The following CAMKMT variants were observed in gnomAD, a reference collection of about 807,000 sequenced individuals.
CAMKMT encodes the protein CaM KMT.
CAMKMT carries 53 observed loss-of-function variants against 48.0 expected under a neutral mutation model. The observed-to-expected ratio is 1.10, with a 90% CI of 0.89 to 1.39. CAMKMT has a LOEUF of 1.39. Among genes scored for constraint, CAMKMT ranks in the 40% most tolerant of loss-of-function variants. The pLI is 0.00. For synonymous variants in CAMKMT, 165 were observed against 152.3 expected, an observed-to-expected ratio of 1.08 and a Z score of -0.61; for missense variants, 428 against 402.7, an observed-to-expected ratio of 1.06 and a Z score of -0.54.
chr2:44,621,279 A>AT (rs1354022813), intron 3 of CAMKMT, among the ~76,000 whole-genome samples: 12 of 145,450 alleles, frequency 8.3e-5, no homozygotes, highest in African/African-American at 3.3e-4. Context: ...AAAAAAAAAA[A>AT]AAAAAAGCAT....
intron 3 of CAMKMT, among the ~76,000 whole-genome samples, chr2:44,561,851 A>G (rs1306889863): frequency 6.6e-6 from 1 of 152,234 alleles, no homozygotes; most frequent in Non-Finnish European, 1.5e-5. Context: ...AATTGTCTGT[A>G]AGAGTCTTTG....
intron 9 of CAMKMT, among the ~76,000 whole-genome samples, chr2:44,758,766 T>C (rs1162618115): frequency 1.3e-5 from 2 of 152,176 alleles, no homozygotes; most frequent in African/African-American, 4.8e-5. Context: ...CAGTGTCCAG[T>C]ATCAGAGGAC....
intron 3 of CAMKMT, among the ~76,000 whole-genome samples, chr2:44,632,185 GTAT>G (rs1672871200): frequency 6.6e-6 from 1 of 152,016 alleles, no homozygotes. Context: ...TTTCTATGTA[GTAT>G]TAATACCATT....
chr2:44,723,143 C>G (rs1303871746), intron 7 of CAMKMT, among the ~76,000 whole-genome samples: 2 of 152,122 alleles, frequency 1.3e-5, no homozygotes, highest in Non-Finnish European at 2.9e-5. Flanking sequence ...CATTCTAGAT[C>G]CCCACACCCT....
In CAMKMT at chr2:44,386,044, G is replaced by A. The variant is rs542340586; in HGVS notation, c.312-4197G>A. Among the ~76,000 whole-genome samples the A allele has an allele frequency of 6.4e-4, 98 of 152,190 alleles. 1 individual carries two copies. Among genetic ancestry groups the A allele is most frequent in the African/African-American group, 2.4e-3 (98 of 41,562 alleles). ...TTAGCTTGTGGAATAGTGTTAAAAG[G>A]ATTGGTACCAATTCTTCTTTCAATG... is the stretch of plus-strand genomic sequence containing the variant. On this transcript the variant is annotated intron_variant, in intron 2 of 10. Transcript: ENST00000378494.
intron 3 of CAMKMT, among the ~76,000 whole-genome samples, chr2:44,522,635 T>C (rs1671179390): frequency 6.6e-6 from 1 of 152,256 alleles, no homozygotes; most frequent in African/African-American, 2.4e-5. Context: ...CACTCTGAGA[T>C]GCTTTCTTGA....
intron 3 of CAMKMT, among the ~76,000 whole-genome samples, chr2:44,634,772 A>C (rs765997942): frequency 4.3e-4 from 56 of 129,006 alleles, no homozygotes; most frequent in Non-Finnish European, 7.5e-4. Context: ...GTCTGGTTTT[A>C]TAGGTATTCT....
chr2:44,667,098 C>T (rs940146015), intron 3 of CAMKMT, among the ~76,000 whole-genome samples: 6 of 152,172 alleles, frequency 3.9e-5, no homozygotes, highest in African/African-American at 1.2e-4. Flanking sequence ...TGCAGGGAGG[C>T]AAAACCCGAG....
chr2:44,707,794 AT>A (rs1677645369), intron 6 of CAMKMT, among the ~76,000 whole-genome samples: 1 of 152,146 alleles, frequency 6.6e-6, no homozygotes, highest in South Asian at 2.1e-4. Context: ...AAAACAAATT[AT>A]TTGGTATTTA....
In CAMKMT at chr2:44,586,229, G is replaced by T. The variant is rs1295868590; in HGVS notation, c.377-118054G>T. On this transcript the variant is annotated intron_variant, in intron 3 of 10. Transcript: ENST00000378494. ...ATAGGGTTTCAGGATCACTTGGATA[G>T]AATTTTTTGAAACACAGCTTTATTG... 3.3e-5 allele frequency among the ~76,000 whole-genome samples: 5 copies of T among 152,072 alleles called. No homozygotes were observed. In the East Asian group the frequency reaches 7.7e-4, roughly 23 times the overall value.
intron 3 of CAMKMT, among the ~76,000 whole-genome samples, chr2:44,635,767 AGCAATCTAACCTAGT>A (rs1673095499): frequency 2.0e-5 from 3 of 152,220 alleles, no homozygotes; most frequent in Non-Finnish European, 4.4e-5. Flanking sequence ...AGAAGAGGTT[AGCAATCTAACCTAGT>A]GTTGTTGATT....
At chr2:44,465,795 C>T (rs181543038) in intron 3 of CAMKMT, among the ~76,000 whole-genome samples, 1 of 152,206 alleles carries the variant, frequency 6.6e-6, no homozygotes, top group East Asian at 1.9e-4. Context: ...GTTTATAAGG[C>T]ACTCACTGTA....
At chr2:44,366,436 A>G (rs186989737) in intron 1 of CAMKMT, among the ~76,000 whole-genome samples, 3 of 152,252 alleles carry the variant, frequency 2.0e-5, no homozygotes, top group African/African-American at 4.8e-5. Flanking sequence ...TTTGTTTTAT[A>G]TGCTTACTTT....
At chr2:44,728,930 G>A (rs759171396) in intron 7 of CAMKMT, among the ~76,000 whole-genome samples, 14 of 145,250 alleles carry the variant, frequency 9.6e-5, no homozygotes, top group Non-Finnish European at 1.6e-4. Flanking sequence ...GTGGTGGTTA[G>A]AAGGGTGTTT....
Position 44,707,419 on chromosome 2 carries a change from C to G in CAMKMT, c.513C>G (p.Val171=), listed in dbSNP as rs572430203. 1 of 1,611,536 alleles carries G rather than the reference C, an allele frequency of 6.2e-7. No individual in the cohort carries two copies. Among genetic ancestry groups the G allele is most frequent in the African/African-American group, 1.3e-5 (1 of 74,588 alleles). The change falls in exon 6 of 11, where the codon GTC becomes GTG. Residue 171 remains valine (V), a synonymous_variant. Transcript: ENST00000378494. The stretch of plus-strand genomic sequence containing the variant: ...TTCAGGTTGCTATTTCTGCAGATGT[C>G]AAAGAAGTTCTGTTAACTGATGGGA... ...AGLMVAISAD[V]KEVLLTDGNE...
At chr2:44,578,169 A>G (rs1313936424) in intron 3 of CAMKMT, among the ~76,000 whole-genome samples, 1 of 152,218 alleles carries the variant, frequency 6.6e-6, no homozygotes, top group Non-Finnish European at 1.5e-5. Context: ...TACACGTTAT[A>G]TAAATTCAGC....
At chr2:44,447,320 A>G (rs987243053) in intron 3 of CAMKMT, among the ~76,000 whole-genome samples, 29 of 152,178 alleles carry the variant, frequency 1.9e-4, no homozygotes, top group Non-Finnish European at 2.2e-4. Flanking sequence ...CGTTTTATGT[A>G]ATTCTGTTAT....
chr2:44,390,519 G>A (rs1308379126), intron 3 of CAMKMT, among the ~76,000 whole-genome samples: 1 of 150,914 alleles, frequency 6.6e-6, no homozygotes, highest in East Asian at 2.0e-4. Flanking sequence ...CTTCGCAGGT[G>A]TGTGTGTGTG....
In CAMKMT at chr2:44,707,382, T is replaced by TC; in HGVS notation, c.493-14dup. ...CATATTTGCTCATTGTTTGCTGTGC[T>TC]CCCTTTTTTTTTTCAGGTTGCTATT... On this transcript the variant is annotated splice_polypyrimidine_tract_variant and intron_variant, in intron 5 of 10. Coordinates refer to ENST00000378494, the MANE Select transcript of CAMKMT (RefSeq NM_024766.5). 3 of 1,609,956 alleles carry TC rather than the reference T, an allele frequency of 1.9e-6. No homozygotes were observed. The highest frequency in any genetic ancestry group is 2.5e-6 in the Non-Finnish European group (3 of 1,178,066).
Sources: allele counts gnomAD v4.1 joint callset (sites outside exome capture counted in the v4.1 genomes callset), GRCh38; gene constraint gnomAD v4.1.1; transcripts MANE v1.5; gene names NCBI Gene and HGNC (gene_info 2026-07-23, HGNC 2026-07-21).